The following AQP11 variants were observed in gnomAD, a reference collection of about 807,000 sequenced individuals.
The protein encoded by AQP11 is aquaporin 11.
Under a neutral mutation model 21.1 loss-of-function variants are expected in AQP11, and 20 were observed. That is an observed-to-expected ratio of 0.95 (90% CI 0.67 to 1.38). AQP11 has a LOEUF of 1.38. Ranked by LOEUF, AQP11 falls within the 40% of genes most tolerant of loss-of-function variation. AQP11 has a pLI of 0.00. For synonymous variants in AQP11, 167 were observed against 150.1 expected (o/e 1.11, Z -0.82); for missense variants, 339 against 340.4 (o/e 1.00, Z 0.03).
At position 77,590,100 on chromosome 11, in the gene AQP11, G is replaced by A; in HGVS notation, c.108G>A (p.Arg36=). The A allele has an allele frequency of 6.2e-7, 1 of 1,607,268 alleles. No individual in the cohort carries two copies. The highest frequency in any genetic ancestry group is 8.5e-7 in the Non-Finnish European group (1 of 1,179,534). Residue 36 remains arginine, a synonymous_variant, in exon 1 of 3, where the codon CGG becomes CGA. Transcript: ENST00000313578. ...LLMGLARVVA[R]QQLHRPVAHA... is the part of the protein sequence containing the mutation. The stretch of plus-strand genomic sequence containing the variant: ...TGGGGCTGGCCCGCGTAGTCGCCCG[G>A]CAGCAGCTGCACAGGCCGGTGGCCC...
intron 2 of AQP11, among the ~76,000 whole-genome samples, chr11:77,607,608 G>A (rs1462823583): frequency 2.6e-5 from 4 of 152,070 alleles, no homozygotes; most frequent in African/African-American, 7.2e-5. Context: ...CTATAAGGAT[G>A]TATATGTGGC....
At chr11:77,605,114 A>G (rs1420027457) in intron 2 of AQP11, among the ~76,000 whole-genome samples, 1 of 152,084 alleles carries the variant, frequency 6.6e-6, no homozygotes, top group Non-Finnish European at 1.5e-5. Context: ...AATGGTGGGA[A>G]CCTAGGAGGC....
At chr11:77,593,623 C>T (rs1362884529) in intron 1 of AQP11, among the ~76,000 whole-genome samples, 1 of 151,276 alleles carries the variant, frequency 6.6e-6, no homozygotes, top group Non-Finnish European at 1.5e-5. Flanking sequence ...GGAGACAGAG[C>T]GAGAGAGCGA....
At chr11:77,605,688 C>T (rs938642445) in intron 2 of AQP11, among the ~76,000 whole-genome samples, 2 of 152,112 alleles carry the variant, frequency 1.3e-5, no homozygotes, top group South Asian at 2.1e-4. Context: ...TCCAGGAAAC[C>T]GGTCCCTGGT....
chr11:77,595,070 G>A (rs976641023), intron 1 of AQP11, among the ~76,000 whole-genome samples: 2 of 152,162 alleles, frequency 1.3e-5, no homozygotes, highest in African/African-American at 4.8e-5. Flanking sequence ...GGCCGGGTGT[G>A]GTGGCTCACG....
chr11:77,600,889 G>A (rs1958811869), intron 1 of AQP11, among the ~76,000 whole-genome samples: 1 of 152,026 alleles, frequency 6.6e-6, no homozygotes, highest in Non-Finnish European at 1.5e-5. Flanking sequence ...GCGGGCGCCT[G>A]TAGTCCCAGC....
At chr11:77,590,698 G>T in intron 1 of AQP11, 87 bp downstream of exon 1, 2 of 1,516,744 alleles carry the variant, frequency 1.3e-6, no homozygotes, top group Non-Finnish European at 1.8e-6. Flanking sequence ...ATTTGAAACC[G>T]TCTATCCCGC....
chr11:77,602,254 G>T (rs1958819566), intron 1 of AQP11, among the ~76,000 whole-genome samples: 1 of 152,144 alleles, frequency 6.6e-6, no homozygotes. Context: ...TAATGATTCA[G>T]TCCATTTTTA....
intron 1 of AQP11, among the ~76,000 whole-genome samples, chr11:77,594,450 A>T (rs1590782291): frequency 6.6e-6 from 1 of 152,352 alleles, no homozygotes; most frequent in Admixed American, 6.5e-5. Flanking sequence ...ACTTTGGGAA[A>T]TGCTGCACTA....
At chr11:77,606,837 T>A (rs1958849479) in intron 2 of AQP11, among the ~76,000 whole-genome samples, 1 of 152,214 alleles carries the variant, frequency 6.6e-6, no homozygotes, top group African/African-American at 2.4e-5. Context: ...TCAGGTGATC[T>A]GCCCGCCTTG....
chr11:77,609,025 A>G (rs780207308), intron 2 of AQP11, among the ~76,000 whole-genome samples: 2 of 152,218 alleles, frequency 1.3e-5, no homozygotes, highest in South Asian at 2.1e-4. Context: ...TTTAGATCCT[A>G]TTGGTTTTAC....
At chr11:77,606,322 G>A (rs1370477432) in intron 2 of AQP11, among the ~76,000 whole-genome samples, 2 of 152,076 alleles carry the variant, frequency 1.3e-5, no homozygotes, top group South Asian at 4.1e-4. Context: ...GAACATACTA[G>A]AAGAAAAGCC....
At position 77,590,612 on chromosome 11, in the gene AQP11, G is replaced by T. The variant is rs201637337; in HGVS notation, c.619+1G>T. Reference sequence around the variant, plus strand: ...CTCATCACCTTTTTGGTCTATGCAGGTTTGTCATTCTCACCAAATACTTGG... The same window carrying T: ...CTCATCACCTTTTTGGTCTATGCAGTTTTGTCATTCTCACCAAATACTTGG... On this transcript the variant is annotated splice_donor_variant, in intron 1 of 2. Coordinates refer to ENST00000313578, the MANE Select transcript of AQP11 (RefSeq NM_173039.3). LOFTEE classifies it high-confidence loss of function. 139 of 1,609,594 alleles carry T rather than the reference G, an allele frequency of 8.6e-5. No homozygotes were observed. Among genetic ancestry groups the T allele is most frequent in the Non-Finnish European group, 1.1e-4 (135 of 1,177,624 alleles).
intron 2 of AQP11, among the ~76,000 whole-genome samples, chr11:77,604,892 A>G (rs2135750870): frequency 1.3e-5 from 2 of 152,336 alleles, no homozygotes; most frequent in South Asian, 4.1e-4. Context: ...TTCTTTAAAG[A>G]AAAATTTTCT....
intron 1 of AQP11, among the ~76,000 whole-genome samples, chr11:77,597,460 T>C (rs558813775): frequency 6.6e-5 from 10 of 152,210 alleles, no homozygotes; most frequent in Non-Finnish European, 1.2e-4. Context: ...TAGTCTCAGC[T>C]ACTCAGGAAG....
At chr11:77,607,798 G>A (rs890056727) in intron 2 of AQP11, among the ~76,000 whole-genome samples, 3 of 150,886 alleles carry the variant, frequency 2.0e-5, no homozygotes, top group Non-Finnish European at 4.4e-5. Context: ...GAATTCTCTA[G>A]TTTATACATT....
At chr11:77,596,632 G>A (rs1958785168) in intron 1 of AQP11, among the ~76,000 whole-genome samples, 1 of 146,804 alleles carries the variant, frequency 6.8e-6, no homozygotes, top group Admixed American at 7.0e-5. Flanking sequence ...GTCAAGACAG[G>A]AGGACTGCAT....
At chr11:77,597,857 G>T (rs531117225) in intron 1 of AQP11, among the ~76,000 whole-genome samples, 75 of 152,036 alleles carry the variant, frequency 4.9e-4, no homozygotes, top group African/African-American at 1.7e-3. Flanking sequence ...AGGTTCAAGC[G>T]ATTCTCCTGC....
At chr11:77,602,680 T>C (rs539798817) in intron 1 of AQP11, among the ~76,000 whole-genome samples, 3 of 152,332 alleles carry the variant, frequency 2.0e-5, no homozygotes, top group African/African-American at 4.8e-5. Flanking sequence ...TGAAATCTTA[T>C]GAAAGGGCCA....
Sources: gnomAD v4.1 joint callset for allele counts (sites outside exome capture counted in the v4.1 genomes callset) on GRCh38, gnomAD v4.1.1 for gene constraint, MANE v1.5 for transcripts, NCBI Gene and HGNC (gene_info 2026-07-23, HGNC 2026-07-21) for gene names.